CEP164: variants seen among roughly 807,000 people sequenced by gnomAD.
CEP164 encodes the protein centrosomal protein of 164 kDa.
Under a neutral mutation model 182.7 loss-of-function variants are expected in CEP164, and 162 were observed. The observed-to-expected ratio is 0.89, with a 90% CI of 0.78 to 1.01. CEP164 has a LOEUF of 1.01. Ranked by LOEUF, CEP164 falls within the 50% of genes least tolerant of loss-of-function variation. CEP164 has a pLI of 0.00. For missense variants in CEP164, 1,735 were observed against 1,790.4 expected (o/e 0.97, Z 0.56); for synonymous variants, 661 against 690.0 (o/e 0.96, Z 0.66).
At chr11:117,356,660 A>G (rs2040328647) in intron 5 of CEP164, 1 of 1,236,744 alleles carries the variant, frequency 8.1e-7, no homozygotes, top group Non-Finnish European at 1.0e-6. Flanking sequence ...TAAACTTGGC[A>G]GGGAGGGAGC....
At chr11:117,356,658 G>A in intron 5 of CEP164, 1 of 1,237,120 alleles carries the variant, frequency 8.1e-7, no homozygotes. Context: ...CCTAAACTTG[G>A]CAGGGAGGGA....
Position 117,375,691 on chromosome 11 carries a change from A to G in CEP164, c.1234-17A>G. Reference sequence around the variant, plus strand: ...TGACAGAGGCAGAGTTGACCTTTGCATCTCCACTGTCTCCAGGACTTCGGT... The same window carrying G: ...TGACAGAGGCAGAGTTGACCTTTGCGTCTCCACTGTCTCCAGGACTTCGGT... On this transcript the variant is annotated splice_polypyrimidine_tract_variant and intron_variant, in intron 10 of 32. Coordinates refer to ENST00000278935, the MANE Select transcript of CEP164 (RefSeq NM_014956.5). 1.2e-6 allele frequency: 2 copies of G among 1,612,938 alleles called. No individual in the cohort carries two copies. Among genetic ancestry groups the G allele is most frequent in the Non-Finnish European group, 1.7e-6 (2 of 1,178,902 alleles).
intron 5 of CEP164, chr11:117,356,471 G>T (rs2040307479): frequency 7.8e-7 from 1 of 1,283,386 alleles, no homozygotes; most frequent in Non-Finnish European, 1.0e-6. Flanking sequence ...ACATCCTCAG[G>T]AGGTGGCCCT....
rs773045906 is a variant in CEP164, at chr11:117,351,985, G to C, written c.390G>C (p.Ser130=). Residue 130 remains serine (S), a synonymous_variant, in exon 5 of 33, where the codon TCG becomes TCC. Transcript: ENST00000278935. The part of the protein sequence containing the change: ...DKKDRDPPKS[S]LALGSSLAPV... ...AGGACAGAGACCCCCCCAAAAGTTC[G>C]CTGGTGAGTCAGTGGATGCCTCCTC... The C allele has an allele frequency of 6.4e-7, 1 of 1,569,528 alleles. No homozygotes were observed. The highest frequency in any genetic ancestry group is 8.6e-7 in the Non-Finnish European group (1 of 1,156,874).
chr11:117,328,867 C>T (rs2035750581), intron 1 of CEP164, among the ~76,000 whole-genome samples: 1 of 152,182 alleles, frequency 6.6e-6, no homozygotes, highest in Non-Finnish European at 1.5e-5. Context: ...ATGATAGTCA[C>T]AGTGTTCTGG....
chr11:117,359,371 C>G (rs2040678697), intron 5 of CEP164: 4 of 968,496 alleles, frequency 4.1e-6, no homozygotes, highest in Non-Finnish European at 4.9e-6. Flanking sequence ...AGCCAGTGCA[C>G]TGCTGGCTGG....
intron 5 of CEP164, chr11:117,355,182 A>T: frequency 2.3e-6 from 3 of 1,289,876 alleles, no homozygotes; most frequent in Non-Finnish European, 3.0e-6. Flanking sequence ...GTCTTTGCTG[A>T]CATGGAGAAA....
chr11:117,404,157 G>T (rs2046431561), intron 27 of CEP164, among the ~76,000 whole-genome samples: 1 of 152,104 alleles, frequency 6.6e-6, no homozygotes, highest in Non-Finnish European at 1.5e-5. Context: ...ATTTCTGTCA[G>T]TTCGTCAAAC....
intron 11 of CEP164, among the ~76,000 whole-genome samples, chr11:117,376,340 GTTGT>G (rs1308817441): frequency 1.3e-5 from 2 of 152,176 alleles, no homozygotes; most frequent in African/African-American, 2.4e-5. Context: ...TTGTTTGATG[GTTGT>G]TTGTCTGTCT....
At chr11:117,397,043 A>G (rs751978282) in intron 26 of CEP164, 48 bp from the exon 27 acceptor site, 1 of 1,540,908 alleles carries the variant, frequency 6.5e-7, no homozygotes, top group East Asian at 2.3e-5. Flanking sequence ...GACCCAGAGC[A>G]GAGTTCTTAG....
chr11:117,353,504 G>A (rs745805712), intron 5 of CEP164, among the ~76,000 whole-genome samples: 2 of 152,198 alleles, frequency 1.3e-5, no homozygotes, highest in Non-Finnish European at 2.9e-5. Flanking sequence ...GGCAGGAGAC[G>A]GAATGAAGTG....
In CEP164 at chr11:117,392,585, A is replaced by C. The variant is rs1258333617; in HGVS notation, c.2451A>C (p.Arg817Ser). 6.2e-7 allele frequency: 1 copy of C among 1,614,182 alleles called. No individual in the cohort carries two copies. Among genetic ancestry groups the C allele is most frequent in the Admixed American group, 1.7e-5 (1 of 60,034 alleles). Residue 817 changes from arginine to serine, a missense_variant, in exon 19 of 33, where the codon AGA becomes AGC. Arg to Ser is a moderately radical substitution (Grantham distance 110, BLOSUM62 -1). Transcript: ENST00000278935. ...AGTGCCTTGGGCAAGTGGAGCACAG[A>C]GTTCACCAGAAGTCTTATCACGTGG... ...LQKCLGQVEH[R>S]VHQKSYHVAG...
At chr11:117,357,610 C>T (rs1241172647) in intron 5 of CEP164, among the ~76,000 whole-genome samples, 12 of 148,726 alleles carry the variant, frequency 8.1e-5, no homozygotes, top group African/African-American at 2.5e-4. Flanking sequence ...TTAGCAGAGA[C>T]GGAGTTTTGT....
chr11:117,341,634 TGG>T (rs1264836960), intron 3 of CEP164, among the ~76,000 whole-genome samples: 1 of 151,938 alleles, frequency 6.6e-6, no homozygotes, highest in African/African-American at 2.4e-5. Context: ...TTGGTAGAGA[TGG>T]GGTCTTGCCG....
chr11:117,353,307 G>C (rs1271789067), intron 5 of CEP164, among the ~76,000 whole-genome samples: 1 of 152,114 alleles, frequency 6.6e-6, no homozygotes. Flanking sequence ...TGTTACTCAC[G>C]GTTCTGAGAA....
chr11:117,364,878 T>C (rs1365113594), intron 8 of CEP164, among the ~76,000 whole-genome samples: 1 of 152,214 alleles, frequency 6.6e-6, no homozygotes, highest in East Asian at 1.9e-4. Context: ...CAGATACCTT[T>C]TGATTATGAC....
chr11:117,392,473 T>C, intron 18 of CEP164, 23 bp from the exon 19 acceptor site: 5 of 1,608,502 alleles, frequency 3.1e-6, no homozygotes, highest in Non-Finnish European at 4.2e-6. Flanking sequence ...CACACTCCCC[T>C]GTGTGTGCGG....
In CEP164 at chr11:117,396,127, C is replaced by G; in HGVS notation, c.3163C>G (p.Pro1055Ala). The G allele has an allele frequency of 6.2e-7, 1 of 1,614,066 alleles. No homozygotes were observed. Among genetic ancestry groups the G allele is most frequent in the Non-Finnish European group, 8.5e-7 (1 of 1,179,984 alleles). Reference protein sequence around the residue: ...EVTVEENNASPHFEPDLHIED... With the variant: ...EVTVEENNASAHFEPDLHIED... The stretch of plus-strand genomic sequence containing the variant: ...GACAGTTGAGGAAAATAATGCTTCC[C>G]CACATTTTGAGCCAGATCTCCATAT... Residue 1055 changes from proline (P) to alanine (A), a missense_variant, in exon 25 of 33, where the codon CCA becomes GCA. Transcript: ENST00000278935.
intron 30 of CEP164, chr11:117,410,326 C>A (rs2047210589): frequency 2.6e-6 from 1 of 382,516 alleles, no homozygotes; most frequent in South Asian, 3.1e-5. Flanking sequence ...ATGGGCCAAG[C>A]AGTTTATATA....
Sources: gnomAD v4.1 joint callset for allele counts (sites outside exome capture counted in the v4.1 genomes callset) on GRCh38, gnomAD v4.1.1 for gene constraint, MANE v1.5 for transcripts, NCBI Gene and HGNC (gene_info 2026-07-23, HGNC 2026-07-21) for gene names.